Variants in SPIDR observed in about 807,000 individuals in gnomAD.
SPIDR encodes scaffold protein involved in DNA repair, also known as DNA repair-scaffolding protein.
SPIDR carries 93 observed loss-of-function variants against 104.6 expected under a neutral mutation model. That is an observed-to-expected ratio of 0.89 (90% confidence interval 0.75 to 1.06). SPIDR has a LOEUF of 1.06. Among genes scored for constraint, SPIDR ranks in the 50% least tolerant of loss-of-function variants. SPIDR has a pLI of 0.00. For synonymous variants in SPIDR, 431 were observed against 416.9 expected, an observed-to-expected ratio of 1.03 and a Z score of -0.41; for missense variants, 1,154 against 1,111.2, an observed-to-expected ratio of 1.04 and a Z score of -0.55.
At chr8:47,354,531 A>G (rs1490252968) in intron 5 of SPIDR, among the ~76,000 whole-genome samples, 1 of 152,156 alleles carries the variant, frequency 6.6e-6, no homozygotes, top group Non-Finnish European at 1.5e-5. Flanking sequence ...CTGCCTTACA[A>G]CTAGCTTACA....
intron 10 of SPIDR, among the ~76,000 whole-genome samples, chr8:47,671,781 C>T (rs1047901668): frequency 6.6e-6 from 1 of 152,034 alleles, no homozygotes; most frequent in Non-Finnish European, 1.5e-5. Context: ...ATTTGTGTTC[C>T]TTTGCAGATG....
At chr8:47,592,741 T>C in intron 8 of SPIDR, 1 of 511,774 alleles carries the variant, frequency 2.0e-6, no homozygotes, top group East Asian at 3.1e-5. Context: ...TAGAACCACC[T>C]CAGACAATGT....
At chr8:47,499,883 A>G (rs776087174) in intron 8 of SPIDR, among the ~76,000 whole-genome samples, 3 of 152,000 alleles carry the variant, frequency 2.0e-5, no homozygotes, top group Non-Finnish European at 4.4e-5. Context: ...ATGAGTGAGA[A>G]CATGCAGTGT....
At chr8:47,307,131 C>T (rs1286800874) in intron 5 of SPIDR, among the ~76,000 whole-genome samples, 1 of 151,496 alleles carries the variant, frequency 6.6e-6, no homozygotes, top group Non-Finnish European at 1.5e-5. Context: ...ACATAACTTA[C>T]TGCTTTTTGT....
intron 7 of SPIDR, among the ~76,000 whole-genome samples, chr8:47,431,713 T>A (rs550252790): frequency 7.7e-4 from 118 of 152,342 alleles, no homozygotes; most frequent in Non-Finnish European, 8.8e-5. Flanking sequence ...TTCTGTTTCA[T>A]GCTTAGAATA....
rs746128892 is a variant in SPIDR at position 47,585,411 on chromosome 8, C to G, written c.1098-10400C>G. Among the ~76,000 whole-genome samples, 10 of 152,242 alleles carry G rather than the reference C, an allele frequency of 6.6e-5. No individual in the cohort carries two copies. In the East Asian group the frequency reaches 1.9e-3, roughly 29 times the overall value. On this transcript the variant is annotated intron_variant, in intron 8 of 19. Transcript: ENST00000297423. ...TTGTTTTAGATTGATTAATGTTATA[C>G]AATGTCTATTTTTTATTAAATTTTT...
intron 10 of SPIDR, among the ~76,000 whole-genome samples, chr8:47,634,462 T>TA (rs967061158): frequency 2.7e-4 from 39 of 144,486 alleles, no homozygotes; most frequent in South Asian, 8.8e-4. Flanking sequence ...AAAAACAAAT[T>TA]AAAAAAAAAA....
intron 5 of SPIDR, among the ~76,000 whole-genome samples, chr8:47,306,895 T>TA (rs1451452024): frequency 6.6e-6 from 1 of 152,234 alleles, no homozygotes; most frequent in Non-Finnish European, 1.5e-5. Context: ...CTGTTGTTAG[T>TA]ATAGCCACCT....
intron 10 of SPIDR, among the ~76,000 whole-genome samples, chr8:47,662,237 A>C (rs1277093523): frequency 1.3e-5 from 2 of 152,136 alleles, no homozygotes; most frequent in African/African-American, 4.8e-5. Context: ...GAGGACTGGG[A>C]CCAGGCGTGG....
At chr8:47,676,593 T>TA (rs1449678886) in intron 11 of SPIDR, among the ~76,000 whole-genome samples, 1 of 152,190 alleles carries the variant, frequency 6.6e-6, no homozygotes, top group Non-Finnish European at 1.5e-5. Flanking sequence ...TCATAAACCT[T>TA]AACAAAATAT....
At chr8:47,407,293 A>G (rs187041409) in intron 6 of SPIDR, among the ~76,000 whole-genome samples, 10 of 152,268 alleles carry the variant, frequency 6.6e-5, no homozygotes, top group Admixed American at 4.6e-4. Flanking sequence ...TTGATACTCA[A>G]ATATCTCTGG....
intron 11 of SPIDR, among the ~76,000 whole-genome samples, chr8:47,685,501 ATTTAT>A: frequency 9.1e-6 from 1 of 110,298 alleles, no homozygotes; most frequent in South Asian, 2.6e-4. Context: ...TTATTTATTT[ATTTAT>A]TTATTTATTT....
At chr8:47,328,262 AT>A (rs552447392) in intron 5 of SPIDR, among the ~76,000 whole-genome samples, 25 of 144,832 alleles carry the variant, frequency 1.7e-4, no homozygotes, top group African/African-American at 2.5e-4. Flanking sequence ...GTCCAACTAC[AT>A]TTTTTTTTTT....
chr8:47,526,588 C>T (rs781449395), intron 8 of SPIDR, among the ~76,000 whole-genome samples: 3 of 152,094 alleles, frequency 2.0e-5, no homozygotes, highest in Non-Finnish European at 4.4e-5. Flanking sequence ...TTTAGAGGAA[C>T]CAAATGTACA....
chr8:47,451,212 T>A (rs1554705763), intron 8 of SPIDR, among the ~76,000 whole-genome samples: 1 of 152,118 alleles, frequency 6.6e-6, no homozygotes, highest in African/African-American at 2.4e-5. Context: ...AATGAAAATA[T>A]CAGTAAAGAT....
chr8:47,403,286 A>T (rs1477532379), intron 6 of SPIDR, among the ~76,000 whole-genome samples: 2 of 152,242 alleles, frequency 1.3e-5, no homozygotes, highest in East Asian at 3.8e-4. Flanking sequence ...TTCCTTTGAA[A>T]ACTGGCACAA....
chr8:47,658,761 C>A (rs2154461313), intron 10 of SPIDR, among the ~76,000 whole-genome samples: 1 of 151,754 alleles, frequency 6.6e-6, no homozygotes, highest in East Asian at 2.0e-4. Flanking sequence ...GTAGCGAAAC[C>A]CCATCTCTAC....
At chr8:47,478,980 T>A (rs1554725228) in intron 8 of SPIDR, among the ~76,000 whole-genome samples, 3 of 152,326 alleles carry the variant, frequency 2.0e-5, no homozygotes, top group Non-Finnish European at 4.4e-5. Flanking sequence ...TTTGAGTTGT[T>A]TTTTTCCATT....
At chr8:47,273,529 C>T (rs897729612) in intron 1 of SPIDR, among the ~76,000 whole-genome samples, 3 of 152,082 alleles carry the variant, frequency 2.0e-5, no homozygotes, top group Non-Finnish European at 4.4e-5. Context: ...CCTCCCAGTA[C>T]CTCTGTATGT....
Sources: allele counts gnomAD v4.1 joint callset (sites outside exome capture counted in the v4.1 genomes callset), GRCh38; gene constraint gnomAD v4.1.1; transcripts MANE v1.5; gene names NCBI Gene and HGNC (gene_info 2026-07-23, HGNC 2026-07-21).